Variants in CCSER1 observed in about 807,000 individuals in gnomAD.
The protein encoded by CCSER1 is serine-rich coiled-coil domain-containing protein 1.
CCSER1 carries 41 observed loss-of-function variants against 82.0 expected under a neutral mutation model. The observed-to-expected ratio is 0.50, with a 90% CI of 0.39 to 0.65. The LOEUF is 0.65. Ranked by LOEUF, CCSER1 falls within the 30% of genes least tolerant of loss-of-function variation. The pLI is 0.00. For synonymous variants in CCSER1, 414 were observed against 383.9 expected, an observed-to-expected ratio of 1.08 and a Z score of -0.92; for missense variants, 1,119 against 1,064.2, an observed-to-expected ratio of 1.05 and a Z score of -0.72.
chr4:91,560,947 A>G (rs1330488768), intron 10 of CCSER1, among the ~76,000 whole-genome samples: 1 of 151,424 alleles, frequency 6.6e-6, no homozygotes, highest in Non-Finnish European at 1.5e-5. Context: ...AAGGACCTGT[A>G]CAAAGATTTA....
At chr4:90,550,003 G>C (rs2153640040) in intron 5 of CCSER1, among the ~76,000 whole-genome samples, 1 of 151,402 alleles carries the variant, frequency 6.6e-6, no homozygotes, top group South Asian at 2.1e-4. Flanking sequence ...TTATTGTGGT[G>C]ACAAGAACAA....
At chr4:91,146,190 C>A (rs1005864516) in intron 10 of CCSER1, among the ~76,000 whole-genome samples, 1 of 152,098 alleles carries the variant, frequency 6.6e-6, no homozygotes, top group Non-Finnish European at 1.5e-5. Context: ...TTCTTAAATT[C>A]TTTCCTCAGC....
chr4:90,292,610 T>TCAG (rs1731125892), intron 1 of CCSER1, among the ~76,000 whole-genome samples: 1 of 151,924 alleles, frequency 6.6e-6, no homozygotes, highest in African/African-American at 2.4e-5. Flanking sequence ...TGAATGGAAA[T>TCAG]CAGCATATTC....
chr4:91,104,009 C>T lies in CCSER1; in HGVS notation c.2217+18015C>T, dbSNP rs566904208. 7.2e-5 allele frequency among the ~76,000 whole-genome samples: 11 copies of T among 152,050 alleles called. No individual in the cohort carries two copies. The South Asian group carries it at 1.2e-3, about 17-fold the overall frequency. On this transcript the variant is annotated intron_variant, in intron 10 of 10. Transcript: ENST00000509176. ...TCCTGGGGGGAGGTCTATAAACGGC[C>T]GCTCTGGGAATGTCTGTCTTATGCA...
chr4:90,901,919 C>T (rs887006897), intron 8 of CCSER1, among the ~76,000 whole-genome samples: 22 of 151,948 alleles, frequency 1.4e-4, no homozygotes, highest in African/African-American at 5.3e-4. Flanking sequence ...CTCATGAATG[C>T]CAATATGTCA....
intron 8 of CCSER1, among the ~76,000 whole-genome samples, chr4:90,888,310 A>G (rs762427381): frequency 4.7e-4 from 72 of 152,172 alleles, no homozygotes; most frequent in Middle Eastern, 3.2e-3. Flanking sequence ...CTAATTTATC[A>G]CACTATTTTA....
At chr4:91,504,681 A>G (rs1245875570) in intron 10 of CCSER1, among the ~76,000 whole-genome samples, 1 of 151,570 alleles carries the variant, frequency 6.6e-6, no homozygotes. Flanking sequence ...TTTTTATTTC[A>G]AAAGTCAGAT....
At chr4:91,557,268 G>T (rs1387372593) in intron 10 of CCSER1, among the ~76,000 whole-genome samples, 2 of 151,260 alleles carry the variant, frequency 1.3e-5, no homozygotes, top group African/African-American at 4.8e-5. Context: ...AAAATTCCAG[G>T]AATTTGTTAT....
At chr4:90,254,320 C>T (rs910500124) in intron 1 of CCSER1, among the ~76,000 whole-genome samples, 9 of 152,130 alleles carry the variant, frequency 5.9e-5, no homozygotes, top group East Asian at 1.9e-4. Flanking sequence ...GTCAGGAAGT[C>T]GCTCACTTCT....
chr4:91,273,420 G>A (rs532174935), intron 10 of CCSER1, among the ~76,000 whole-genome samples: 2 of 152,094 alleles, frequency 1.3e-5, no homozygotes, highest in African/African-American at 4.8e-5. Context: ...TGCTGTTTGT[G>A]TATAGAAGAT....
At chr4:90,766,599 A>T (rs1751272289) in intron 7 of CCSER1, among the ~76,000 whole-genome samples, 2 of 152,128 alleles carry the variant, frequency 1.3e-5, no homozygotes, top group South Asian at 4.1e-4. Context: ...AGCTATGATC[A>T]TGCCACTGCT....
At chr4:90,289,294 T>A (rs1730480910) in intron 1 of CCSER1, among the ~76,000 whole-genome samples, 1 of 151,952 alleles carries the variant, frequency 6.6e-6, no homozygotes, top group African/African-American at 2.4e-5. Flanking sequence ...CAGAAAAATA[T>A]GTCCTTTTAC....
intron 10 of CCSER1, among the ~76,000 whole-genome samples, chr4:91,434,192 T>C (rs1002698284): frequency 7.0e-6 from 1 of 143,170 alleles, no homozygotes; most frequent in South Asian, 2.1e-4. Context: ...ACAGACTTTT[T>C]GTTTGTTTTT....
At chr4:90,944,238 A>G (rs1731965267) in intron 9 of CCSER1, among the ~76,000 whole-genome samples, 1 of 151,818 alleles carries the variant, frequency 6.6e-6, no homozygotes, top group Non-Finnish European at 1.5e-5. Context: ...CCTCAAAAAA[A>G]AAAAAAAAAA....
At chr4:90,147,798 T>A (rs891547648) in intron 1 of CCSER1, among the ~76,000 whole-genome samples, 3 of 152,168 alleles carry the variant, frequency 2.0e-5, no homozygotes, top group Non-Finnish European at 4.4e-5. Flanking sequence ...ATTGTGAACA[T>A]ATGCTATGTA....
At chr4:91,465,680 A>G (rs192520361) in intron 10 of CCSER1, among the ~76,000 whole-genome samples, 1,553 of 152,192 alleles carry the variant, frequency 0.01, 11 homozygotes, top group Middle Eastern at 0.02. Context: ...TATCACCACC[A>G]ATCCCACAGA....
At chr4:91,227,054 A>C (rs1213647003) in intron 10 of CCSER1, among the ~76,000 whole-genome samples, 1 of 151,912 alleles carries the variant, frequency 6.6e-6, no homozygotes, top group Non-Finnish European at 1.5e-5. Flanking sequence ...CTCTATCATT[A>C]TTACGTAATA....
chr4:90,274,494 A>G (rs921360866), intron 1 of CCSER1, among the ~76,000 whole-genome samples: 2 of 152,180 alleles, frequency 1.3e-5, no homozygotes, highest in African/African-American at 2.4e-5. Context: ...TTGAATATTT[A>G]GTTTGTTACT....
intron 6 of CCSER1, among the ~76,000 whole-genome samples, chr4:90,698,795 C>T (rs1310405492): frequency 2.6e-5 from 4 of 152,082 alleles, no homozygotes; most frequent in African/African-American, 7.2e-5. Context: ...CTAGAGGTTA[C>T]GGTTTGTAAA....
Sources: allele counts gnomAD v4.1 joint callset (sites outside exome capture counted in the v4.1 genomes callset), GRCh38; gene constraint gnomAD v4.1.1; transcripts MANE v1.5; gene names NCBI Gene and HGNC (gene_info 2026-07-23, HGNC 2026-07-21).